The following CORIN variants were observed in gnomAD, a reference collection of about 807,000 sequenced individuals.
The protein encoded by CORIN is atrial natriuretic peptide-converting enzyme.
Under a neutral mutation model 125.3 loss-of-function variants are expected in CORIN, and 117 were observed. That is an observed-to-expected ratio of 0.93 (90% CI 0.80 to 1.09). The LOEUF (loss-of-function observed/expected upper bound fraction) is 1.09. Ranked by LOEUF, CORIN falls within the 50% of genes least tolerant of loss-of-function variation. The pLI, the probability that CORIN is intolerant of heterozygous loss-of-function variation, is 0.00. For synonymous variants in CORIN, 450 were observed against 466.4 expected (o/e 0.96, Z 0.45); for missense variants, 1,253 against 1,306.7 (o/e 0.96, Z 0.63).
intron 2 of CORIN, 53 bp from the exon 3 acceptor site, chr4:47,786,978 A>C: frequency 8.0e-7 from 1 of 1,245,020 alleles, no homozygotes; most frequent in South Asian, 1.4e-5. Flanking sequence ...CATTACTAGA[A>C]GTGTTTATTT....
At chr4:47,614,056 G>C (rs1460974874) in intron 19 of CORIN, among the ~76,000 whole-genome samples, 1 of 152,148 alleles carries the variant, frequency 6.6e-6, no homozygotes, top group Non-Finnish European at 1.5e-5. Context: ...AAATAAAAAT[G>C]GCTTCTTGGC....
intron 12 of CORIN, among the ~76,000 whole-genome samples, chr4:47,655,291 G>A (rs958947503): frequency 1.3e-5 from 2 of 152,150 alleles, no homozygotes; most frequent in Non-Finnish European, 2.9e-5. Flanking sequence ...GAGAACAGGA[G>A]AGGGAAGAGT....
At chr4:47,803,498 A>G (rs1731634746) in intron 2 of CORIN, among the ~76,000 whole-genome samples, 1 of 152,236 alleles carries the variant, frequency 6.6e-6, no homozygotes, top group African/African-American at 2.4e-5. Flanking sequence ...ATACTGGCAT[A>G]CAAACAGACA....
At chr4:47,670,381 C>T (rs1243307051) in intron 10 of CORIN, among the ~76,000 whole-genome samples, 1 of 152,208 alleles carries the variant, frequency 6.6e-6, no homozygotes, top group African/African-American at 2.4e-5. Context: ...CTCTCTTCTA[C>T]TATTTGCTCC....
chr4:47,677,495 C>T (rs180830678), intron 9 of CORIN, among the ~76,000 whole-genome samples: 21 of 152,254 alleles, frequency 1.4e-4, no homozygotes, highest in South Asian at 4.1e-4. Context: ...GAGATTCACA[C>T]GCAGATATCA....
intron 18 of CORIN, 37 bp downstream of exon 18, chr4:47,623,862 A>G (rs1722443669): frequency 9.3e-6 from 15 of 1,608,196 alleles, no homozygotes; most frequent in African/African-American, 4.0e-5. Flanking sequence ...AGTTCAATTA[A>G]GTTCATATCC....
At position 47,595,558 on chromosome 4, in the gene CORIN, G is replaced by T; in HGVS notation, c.*163C>A. 6.8e-6 allele frequency: 3 copies of T among 442,816 alleles called. No homozygotes were observed. The highest frequency in any genetic ancestry group is 3.4e-5 in the East Asian group (1 of 29,710). 27.4% of individuals were successfully genotyped at this position (442,816 alleles called of 1,614,324 possible). A position where few individuals can be genotyped will look rare whatever the true frequency, so the allele number is the denominator to read the frequency against. On this transcript the variant is annotated 3_prime_UTR_variant, in exon 22 of 22. Coordinates refer to ENST00000273857, the MANE Select transcript of CORIN (RefSeq NM_006587.4). ...AAAAATGAAGGTGAAAAAATAAATT[G>T]AAAAAAATTAGTCCAAAACAAACAT...
intron 5 of CORIN, among the ~76,000 whole-genome samples, chr4:47,723,132 A>G (rs959418213): frequency 1.5e-4 from 23 of 152,196 alleles, no homozygotes; most frequent in African/African-American, 5.5e-4. Context: ...AGCTGTGCTC[A>G]TGGAAGCTGT....
At chr4:47,657,916 C>G (rs1351562616) in intron 12 of CORIN, among the ~76,000 whole-genome samples, 1 of 152,208 alleles carries the variant, frequency 6.6e-6, no homozygotes, top group Non-Finnish European at 1.5e-5. Flanking sequence ...CAAACTACCT[C>G]ATTCTGCTCT....
At chr4:47,762,456 C>G in intron 4 of CORIN, among the ~76,000 whole-genome samples, 1 of 152,064 alleles carries the variant, frequency 6.6e-6, no homozygotes, top group East Asian at 1.9e-4. Context: ...TAAGTGTATA[C>G]TTAATATTTC....
intron 2 of CORIN, among the ~76,000 whole-genome samples, chr4:47,788,631 A>G (rs1413452771): frequency 1.3e-5 from 2 of 152,252 alleles, no homozygotes; most frequent in Non-Finnish European, 2.9e-5. Context: ...ATAATTAGTA[A>G]TTAATCAATT....
intron 3 of CORIN, among the ~76,000 whole-genome samples, chr4:47,770,034 G>C (rs1281292922): frequency 6.6e-6 from 1 of 151,996 alleles, no homozygotes; most frequent in African/African-American, 2.4e-5. Flanking sequence ...AAACTAAAAA[G>C]CTTCTTCCCA....
intron 3 of CORIN, among the ~76,000 whole-genome samples, chr4:47,775,573 T>C (rs1017185074): frequency 7.2e-5 from 11 of 152,130 alleles, no homozygotes; most frequent in Admixed American, 5.2e-4. Context: ...CTGCATAGTG[T>C]TCCATGGTGT....
intron 4 of CORIN, among the ~76,000 whole-genome samples, chr4:47,754,673 A>C (rs1729054293): frequency 6.6e-6 from 1 of 151,976 alleles, no homozygotes; most frequent in East Asian, 1.9e-4. Flanking sequence ...GCTCCTCCCC[A>C]GGGTGATACT....
intron 12 of CORIN, among the ~76,000 whole-genome samples, chr4:47,654,704 GT>G (rs1367186385): frequency 1.3e-5 from 2 of 152,192 alleles, no homozygotes; most frequent in African/African-American, 4.8e-5. Context: ...AGGCTAAAGT[GT>G]TTTGGGGTCC....
At chr4:47,771,002 GA>G (rs1218094247) in intron 3 of CORIN, among the ~76,000 whole-genome samples, 3 of 152,050 alleles carry the variant, frequency 2.0e-5, no homozygotes, top group Non-Finnish European at 4.4e-5. Flanking sequence ...TGTACACTTT[GA>G]AAATTGCTAA....
chr4:47,664,126 T>C (rs539094115), intron 11 of CORIN, among the ~76,000 whole-genome samples: 2 of 152,204 alleles, frequency 1.3e-5, no homozygotes, highest in Non-Finnish European at 2.9e-5. Flanking sequence ...CACATTTGTA[T>C]ACCTACCCCT....
chr4:47,653,509 G>T, intron 13 of CORIN, 44 bp downstream of exon 13: 2 of 1,449,588 alleles, frequency 1.4e-6, no homozygotes, highest in Non-Finnish European at 1.9e-6. Context: ...TTTTATTCTA[G>T]TTATCACTGT....
chr4:47,756,167 C>T (rs927660304), intron 4 of CORIN, among the ~76,000 whole-genome samples: 3 of 152,106 alleles, frequency 2.0e-5, no homozygotes, highest in African/African-American at 7.2e-5. Flanking sequence ...GAGAAGAGGG[C>T]TTAGTGTGAG....
Sources: gnomAD v4.1 joint callset for allele counts (sites outside exome capture counted in the v4.1 genomes callset) on GRCh38, gnomAD v4.1.1 for gene constraint, MANE v1.5 for transcripts, NCBI Gene and HGNC (gene_info 2026-07-23, HGNC 2026-07-21) for gene names.